The following DNAH11 variants were observed in gnomAD, a reference collection of about 807,000 sequenced individuals.
DNAH11 encodes dynein axonemal heavy chain 11, also known as axonemal beta dynein heavy chain 11.
Under a neutral mutation model 526.0 loss-of-function variants are expected in DNAH11, and 442 were observed. The ratio of observed to expected loss-of-function variants is 0.84; its 90% confidence interval spans 0.78 to 0.91. The LOEUF (loss-of-function observed/expected upper bound fraction) is 0.91, where lower values mean the gene tolerates loss of function less well. Ranked by LOEUF, DNAH11 falls within the 40% of genes least tolerant of loss-of-function variation. The probability of loss-of-function intolerance (pLI) is 0.00; values close to 1 mark genes in which losing one functional copy is unlikely to be tolerated. For synonymous variants in DNAH11, 2,461 were observed against 1,935.9 expected, an observed-to-expected ratio of 1.27 and a Z score of -7.12; for missense variants, 6,989 against 5,448.7, an observed-to-expected ratio of 1.28 and a Z score of -8.90.
In DNAH11 at chr7:21,791,989, A is replaced by G. The variant is rs551084968; in HGVS notation, c.10026+2647A>G. ...CAGTTCCTGCTTTGGGCGGGGCCTCAGGAAACTTTCAACCATGGCAGAAAG... is the reference window on the plus strand; with the variant it reads ...CAGTTCCTGCTTTGGGCGGGGCCTCGGGAAACTTTCAACCATGGCAGAAAG... On this transcript the variant is annotated intron_variant, in intron 61 of 81. Transcript: ENST00000409508. Among the ~76,000 whole-genome samples the G allele has an allele frequency of 5.9e-4, 90 of 152,292 alleles. 3 individuals are homozygous for G. In the South Asian group the frequency reaches 0.018, roughly 31 times the overall value.
At position 21,899,933 on chromosome 7, in the gene DNAH11, T is replaced by A. The variant is rs757186177; in HGVS notation, c.13163-47T>A. On this transcript the variant is annotated intron_variant, in intron 80 of 81. Coordinates refer to ENST00000409508, the MANE Select transcript of DNAH11 (RefSeq NM_001277115.2). ...ATTTACTGGTAGCTCCCGGGAACCT[T>A]ACATGCAACACTTTTATCCTATTCA... 7.5e-6 allele frequency: 12 copies of A among 1,601,430 alleles called. No individual in the cohort carries two copies. The African/African-American group carries it at 1.5e-4, about 20-fold the overall frequency.
Position 21,817,756 on chromosome 7 carries a change from A to T in DNAH11, c.10569-461A>T, listed in dbSNP as rs1441525782. Among the ~76,000 whole-genome samples, 5 of 152,210 alleles carry T rather than the reference A, an allele frequency of 3.3e-5. No homozygotes were observed. In the East Asian group the frequency reaches 9.7e-4, roughly 29 times the overall value. ...TTGGAGAAAATTATTTTTGGTAGGG[A>T]GATATTTTGTGGAAAGTAAGACCAA... On this transcript the variant is annotated intron_variant, in intron 64 of 81. Coordinates refer to ENST00000409508, the MANE Select transcript of DNAH11 (RefSeq NM_001277115.2).
At chr7:21,584,907 T>C (rs1784434080) in intron 9 of DNAH11, among the ~76,000 whole-genome samples, 1 of 151,614 alleles carries the variant, frequency 6.6e-6, no homozygotes, top group Admixed American at 6.6e-5. Flanking sequence ...TCATATTCTT[T>C]GCTACTGGAA....
At chr7:21,793,425 G>A (rs1188574185) in intron 61 of DNAH11, among the ~76,000 whole-genome samples, 1 of 152,006 alleles carries the variant, frequency 6.6e-6, no homozygotes, top group Admixed American at 6.6e-5. Context: ...AGACCATCCT[G>A]GCCAACATGG....
At chr7:21,557,892 A>G (rs1050646797) in intron 2 of DNAH11, among the ~76,000 whole-genome samples, 8 of 152,192 alleles carry the variant, frequency 5.3e-5, no homozygotes, top group African/African-American at 1.9e-4. Flanking sequence ...ACTATCTTGT[A>G]CTAATCTCTG....
chr7:21,612,479 C>T (rs1005168237), intron 20 of DNAH11, among the ~76,000 whole-genome samples: 2 of 146,034 alleles, frequency 1.4e-5, no homozygotes, highest in Admixed American at 7.1e-5. Flanking sequence ...GGCATGAACC[C>T]AGGAGGCAGA....
chr7:21,635,341 A>G (rs1263087758), intron 25 of DNAH11, among the ~76,000 whole-genome samples: 1 of 152,188 alleles, frequency 6.6e-6, no homozygotes, highest in Non-Finnish European at 1.5e-5. Context: ...TATTTTTAGT[A>G]GAGACGGGGT....
chr7:21,701,399 T>G (rs574879617), intron 36 of DNAH11, among the ~76,000 whole-genome samples: 1 of 151,982 alleles, frequency 6.6e-6, no homozygotes, highest in South Asian at 2.1e-4. Context: ...AAGCGATCTT[T>G]CCATCTCAGC....
intron 30 of DNAH11, among the ~76,000 whole-genome samples, chr7:21,667,070 C>T (rs898962281): frequency 1.3e-5 from 2 of 152,016 alleles, no homozygotes; most frequent in East Asian, 3.9e-4. Flanking sequence ...AGCAAAATTT[C>T]AGATAAATTA....
chr7:21,562,293 G>T (rs1647263421), intron 5 of DNAH11, among the ~76,000 whole-genome samples: 1 of 152,146 alleles, frequency 6.6e-6, no homozygotes, highest in African/African-American at 2.4e-5. Flanking sequence ...CTCCATCCCT[G>T]TTGTGATGAT....
intron 68 of DNAH11, among the ~76,000 whole-genome samples, chr7:21,857,198 T>G (rs1475659947): frequency 6.6e-6 from 1 of 152,194 alleles, no homozygotes; most frequent in Non-Finnish European, 1.5e-5. Flanking sequence ...ATAAAATCAG[T>G]GTCTTAGCAC....
chr7:21,733,927 C>G (rs1389696662), intron 45 of DNAH11, among the ~76,000 whole-genome samples: 4 of 152,082 alleles, frequency 2.6e-5, no homozygotes, highest in African/African-American at 9.7e-5. Context: ...ACCAACAGTT[C>G]TAGTTTGACT....
intron 65 of DNAH11, among the ~76,000 whole-genome samples, chr7:21,827,383 C>A (rs541464637): frequency 1.3e-5 from 2 of 152,084 alleles, no homozygotes; most frequent in African/African-American, 2.4e-5. Flanking sequence ...TCATAAAATT[C>A]TCTTTAATCT....
Position 21,861,853 on chromosome 7 carries a change from G to C in DNAH11, c.11203G>C (p.Ala3735Pro). Residue 3735 changes from alanine (A) to proline (P), a missense_variant and splice_region_variant, in exon 69 of 82, where the codon GCT (alanine) becomes CCT (proline). Transcript: ENST00000409508. ...TTAATGGTCACATTAAATTTCCCAG[G>C]CTTTTAACGTGCTGTTCCACAGAGC... ...INPLYQFSLKAFNVLFHRAIE... is the reference protein window; with the variant it reads ...INPLYQFSLKPFNVLFHRAIE... The C allele has an allele frequency of 6.2e-7, 1 of 1,609,842 alleles. No individual in the cohort carries two copies.
chr7:21,812,663 GAA>G (rs1367052003), intron 63 of DNAH11, among the ~76,000 whole-genome samples: 1 of 151,936 alleles, frequency 6.6e-6, no homozygotes, highest in Non-Finnish European at 1.5e-5. Context: ...CAAAAAGAAA[GAA>G]AAGAGAGAGA....
intron 28 of DNAH11, among the ~76,000 whole-genome samples, chr7:21,641,496 C>T (rs1174142602): frequency 6.6e-6 from 1 of 152,192 alleles, no homozygotes; most frequent in African/African-American, 2.4e-5. Context: ...TGCACATACT[C>T]ACCACCTCTT....
intron 61 of DNAH11, among the ~76,000 whole-genome samples, chr7:21,794,299 T>A (rs1355400516): frequency 6.6e-6 from 1 of 152,222 alleles, no homozygotes; most frequent in Non-Finnish European, 1.5e-5. Flanking sequence ...TGTTTGCTGC[T>A]GTCTCTTGTG....
At chr7:21,625,572 A>G (rs930462880) in intron 25 of DNAH11, among the ~76,000 whole-genome samples, 2 of 151,850 alleles carry the variant, frequency 1.3e-5, no homozygotes, top group South Asian at 4.1e-4. Context: ...TTCTTTTTCT[A>G]GTTCCTGAAG....
intron 45 of DNAH11, among the ~76,000 whole-genome samples, chr7:21,728,356 C>G (rs577212162): frequency 6.3e-5 from 9 of 143,400 alleles, no homozygotes; most frequent in African/African-American, 2.4e-4. Context: ...CTCCCAGCTT[C>G]AAGCAATTCT....
Sources: allele counts gnomAD v4.1 joint callset (sites outside exome capture counted in the v4.1 genomes callset), GRCh38; gene constraint gnomAD v4.1.1; transcripts MANE v1.5; gene names NCBI Gene and HGNC (gene_info 2026-07-23, HGNC 2026-07-21).